The following POLDIP2 variants were observed in gnomAD, a reference collection of about 807,000 sequenced individuals.
POLDIP2 encodes DNA polymerase delta interacting protein 2, also known as polymerase delta-interacting protein 2.
A neutral mutation model predicts 52.9 loss-of-function variants in POLDIP2; 32 were observed. The observed-to-expected ratio is 0.61, with a 90% confidence interval of 0.46 to 0.81. The LOEUF is 0.81. POLDIP2 is among the 40% of genes least tolerant of loss of function. The pLI, the probability that POLDIP2 is intolerant of heterozygous loss-of-function variation, is 0.00. For synonymous variants in POLDIP2, 183 were observed against 183.0 expected (o/e 1.00, Z 0.00); for missense variants, 371 against 477.3 (o/e 0.78, Z 2.07).
Position 28,354,605 on chromosome 17 carries a change from T to C in POLDIP2, c.244-20A>G. 1 of 1,476,840 alleles carries C rather than the reference T, an allele frequency of 6.8e-7. No homozygotes were observed. The highest frequency in any genetic ancestry group is 9.3e-7 in the Non-Finnish European group (1 of 1,078,690). 91.5% of individuals were successfully genotyped at this position (1,476,840 alleles called of 1,614,324 possible). ...GAAAAGCTGGAAGGAAAGAGGGGCC[T>C]CAGTGAGTCTGCAGTCCAGCAAATC... On this transcript the variant is annotated intron_variant, in intron 2 of 10. Coordinates refer to ENST00000540200, the MANE Select transcript of POLDIP2 (RefSeq NM_015584.5).
intron 5 of POLDIP2, 66 bp from the exon 6 acceptor site, chr17:28,353,085 A>T (rs1190155716): frequency 1.0e-5 from 8 of 775,776 alleles, no homozygotes; most frequent in Non-Finnish European, 1.9e-5. Context: ...GGTTGAGAAG[A>T]AACATTAACT....
rs115275682 is a variant in POLDIP2 at position 28,350,926 on chromosome 17, G to A, written c.760-134C>T. ...CAAGCTGAGAGTATCTGTGGGATAA[G>A]GGTGATAGCTGAACCATGGCCTACA... On this transcript the variant is annotated intron_variant, in intron 7 of 10. Coordinates refer to ENST00000540200, the MANE Select transcript of POLDIP2 (RefSeq NM_015584.5). 1.9e-3 allele frequency: 1,430 copies of A among 769,944 alleles called. 19 individuals carry two copies. The African/African-American group carries it at 0.022, about 12-fold the overall frequency. 47.7% of individuals were successfully genotyped at this position (769,944 alleles called of 1,614,324 possible). A position where few individuals can be genotyped will look rare whatever the true frequency, so the allele number is the denominator to read the frequency against.
chr17:28,353,196 C>A (rs372387445), intron 5 of POLDIP2, 45 bp downstream of exon 5: 4 of 958,592 alleles, frequency 4.2e-6, no homozygotes, highest in Non-Finnish European at 6.7e-6. Flanking sequence ...CTGAGACACA[C>A]CAGACTCCTT....
At chr17:28,353,520 C>CCAAAAAAAAAAAAAAAAAAAAAAAAA (rs1907896470) in intron 4 of POLDIP2, among the ~76,000 whole-genome samples, 175 bp downstream of exon 4, 7 of 54,804 alleles carry the variant, frequency 1.3e-4, no homozygotes, top group Non-Finnish European at 2.1e-4. Flanking sequence ...GACTCCATAT[C>CCAAAAAAAAAAAAAAAAAAAAAAAAA]AAAAAAAAAA....
At chr17:28,357,141 G>A in intron 1 of POLDIP2, 147 bp downstream of exon 1, 1 of 742,134 alleles carries the variant, frequency 1.3e-6, no homozygotes, top group Non-Finnish European at 2.0e-6. Flanking sequence ...CCCAGACAGC[G>A]CAGGTCGGCT....
chr17:28,355,229 T>A lies in POLDIP2; in HGVS notation c.243+566A>T, dbSNP rs1907967777. 3.9e-5 allele frequency among the ~76,000 whole-genome samples: 6 copies of A among 152,204 alleles called. No individual in the cohort carries two copies. In the South Asian group the frequency reaches 1.2e-3, roughly 31 times the overall value. ...CTAAACCTCACTATAGTCCACACCA[T>A]CCCTGTCCACATTAACTTGGAAAGA... is the stretch of plus-strand genomic sequence containing the variant. On this transcript the variant is annotated intron_variant, in intron 2 of 10. Transcript: ENST00000540200.
chr17:28,351,368 C>T (rs1907788422), intron 7 of POLDIP2, among the ~76,000 whole-genome samples: 1 of 152,218 alleles, frequency 6.6e-6, no homozygotes, highest in Non-Finnish European at 1.5e-5. Context: ...TATGCCTACA[C>T]TGCTTTAAAT....
At position 28,351,705 on chromosome 17, in the gene POLDIP2, T is replaced by G. The variant is rs781882761; in HGVS notation, c.718A>C (p.Asn240His). ...LSDVHRETTE[N>H]IRVTVIPFYM... ...AAGGGGATGACAGTGACACGTATGT[T>G]CTCAGTTGTTTCCCGATGAACATCG... The change falls in exon 7 of 11, where the codon AAC becomes CAC. Residue 240 changes from asparagine to histidine, a missense_variant. Coordinates refer to ENST00000540200, the MANE Select transcript of POLDIP2 (RefSeq NM_015584.5). The G allele has an allele frequency of 6.2e-7, 1 of 1,613,970 alleles. No homozygotes were observed. The highest frequency in any genetic ancestry group is 8.5e-7 in the Non-Finnish European group (1 of 1,179,856).
intron 9 of POLDIP2, 82 bp from the exon 10 acceptor site, chr17:28,349,244 G>T: frequency 1.0e-6 from 1 of 960,962 alleles, no homozygotes. Flanking sequence ...CTGACTGCCA[G>T]TTCATCAAGA....
At chr17:28,350,926 G>T in intron 7 of POLDIP2, 134 bp from the exon 8 acceptor site, 1 of 769,944 alleles carries the variant, frequency 1.3e-6, no homozygotes. Flanking sequence ...TGTGGGATAA[G>T]GGTGATAGCT....
At chr17:28,354,244 A>G (rs1758721725) in intron 3 of POLDIP2, among the ~76,000 whole-genome samples, 1 of 152,168 alleles carries the variant, frequency 6.6e-6, no homozygotes, top group South Asian at 2.1e-4. Context: ...GCCCTCTGGG[A>G]TACTCATAAT....
At chr17:28,352,233 A>ATTTTTTTTTTTTTTT (rs1555580125) in intron 6 of POLDIP2, among the ~76,000 whole-genome samples, 1 of 44,298 alleles carries the variant, frequency 2.3e-5, no homozygotes, top group African/African-American at 1.2e-4. Context: ...CGTTGGAATT[A>ATTTTTTTTTTTTTTT]TTTCTTTTTT....
In POLDIP2 at chr17:28,355,817, TTC is replaced by T; in HGVS notation, c.219_220del (p.Asn74TrpfsTer4). 1 of 1,612,938 alleles carries T rather than the reference TTC, an allele frequency of 6.2e-7. No homozygotes were observed. Among genetic ancestry groups the T allele is most frequent in the Non-Finnish European group, 8.5e-7 (1 of 1,179,438 alleles). On this transcript the variant is annotated frameshift_variant, in exon 2 of 11. Coordinates refer to ENST00000540200, the MANE Select transcript of POLDIP2 (RefSeq NM_015584.5). LOFTEE classifies it high-confidence loss of function. ...CACCTGCCCGGTCTCATATTTTCCATTCTGTTTTGGCACCTCAAACACACCAA... is the reference window on the plus strand; with the variant it reads ...CACCTGCCCGGTCTCATATTTTCCATTGTTTTGGCACCTCAAACACACCAA...
chr17:28,348,297 C>T, intron 10 of POLDIP2, 66 bp from the exon 11 acceptor site: 1 of 1,015,734 alleles, frequency 9.8e-7, no homozygotes, highest in Non-Finnish European at 1.5e-6. Context: ...TCTGGATGGC[C>T]CCATGCCCTC....
In POLDIP2 at chr17:28,354,990, C is replaced by G. The variant is rs112248701; in HGVS notation, c.244-405G>C. Among the ~76,000 whole-genome samples, 643 of 152,262 alleles carry G rather than the reference C, an allele frequency of 4.2e-3. 3 individuals are homozygous for G. The highest frequency in any genetic ancestry group is 0.015 in the African/African-American group (613 of 41,558). ...ACAGAAAAATAAAATGTTGAACAAA[C>G]AAAAAGTCTTCCTTACCTACAATAT... On this transcript the variant is annotated intron_variant, in intron 2 of 10. Transcript: ENST00000540200.
Position 28,353,520 on chromosome 17 carries a change from C to CAAAA in POLDIP2, c.438+171_438+174dup, listed in dbSNP as rs71135829. On this transcript the variant is annotated intron_variant, in intron 4 of 10. Transcript: ENST00000540200. ...CTGGCGACAGAGTGAGACTCCATAT[C>CAAAA]AAAAAAAAAAAAAAAGACGTGAATC... 4.4e-4 allele frequency among the ~76,000 whole-genome samples: 24 copies of CAAAA among 54,802 alleles called. 5 individuals are homozygous for CAAAA. The highest frequency in any genetic ancestry group is 1.8e-3 in the African/African-American group (18 of 9,962). The allele number at this position is 54,802 out of a possible 152,430, so 36.0% of individuals were successfully genotyped here.
rs1907669392 is a variant in POLDIP2, at chr17:28,348,432, GT to G, written c.993-202del. The stretch of plus-strand genomic sequence containing the variant: ...CCATGAAAAGAAAAACACAGCTGCA[GT>G]GGCTCACGCCTGAAATCCCAGCATT... On this transcript the variant is annotated intron_variant, in intron 10 of 10. Transcript: ENST00000540200. Among the ~76,000 whole-genome samples, 4 of 152,352 alleles carry G rather than the reference GT, an allele frequency of 2.6e-5. No individual in the cohort carries two copies. The South Asian group carries it at 8.3e-4, about 32-fold the overall frequency.
Position 28,347,353 on chromosome 17 carries a change from T to C in POLDIP2, c.*764A>G, listed in dbSNP as rs1474464608. 6.6e-6 allele frequency: 1 copy of C among 152,180 alleles called. No homozygotes were observed. The highest frequency in any genetic ancestry group is 2.4e-5 in the African/African-American group (1 of 41,436). 9.4% of individuals were successfully genotyped at this position (152,180 alleles called of 1,614,324 possible). ...GTAGCTTGACTTAGTCATCAATCCATACCTAAAGCTGCTCCTCAGCCAAAT... is the reference window on the plus strand; with the variant it reads ...GTAGCTTGACTTAGTCATCAATCCACACCTAAAGCTGCTCCTCAGCCAAAT... On this transcript the variant is annotated 3_prime_UTR_variant, in exon 11 of 11. Transcript: ENST00000540200.
In POLDIP2 at chr17:28,350,581, G is replaced by C. The variant is rs1555579763; in HGVS notation, c.787-18C>G. The C allele has an allele frequency of 6.2e-7, 1 of 1,602,726 alleles. No homozygotes were observed. Among genetic ancestry groups the C allele is most frequent in the Non-Finnish European group, 8.5e-7 (1 of 1,175,508 alleles). The stretch of plus-strand genomic sequence containing the variant: ...TAGCGCCACTGAGGTGGGTGTGGGA[G>C]AGAGAGTTTAAAAAAAATAAAATTT... On this transcript the variant is annotated intron_variant, in intron 8 of 10. Transcript: ENST00000540200.
Sources: gnomAD v4.1 joint callset for allele counts (sites outside exome capture counted in the v4.1 genomes callset) on GRCh38, gnomAD v4.1.1 for gene constraint, MANE v1.5 for transcripts, NCBI Gene and HGNC (gene_info 2026-07-23, HGNC 2026-07-21) for gene names.